Variants in RCOR1 observed in about 807,000 individuals in gnomAD.
RCOR1 encodes the protein REST corepressor 1, also known as REST corepressor.
In RCOR1, 12 loss-of-function variants were observed where a neutral mutation model predicts 64.0. The ratio of observed to expected loss-of-function variants is 0.19; its 90% confidence interval spans 0.12 to 0.30. The LOEUF (loss-of-function observed/expected upper bound fraction) is 0.30, where lower values mean the gene tolerates loss of function less well. RCOR1 is among the 10% of genes least tolerant of loss of function. The pLI is 1.00. For synonymous variants in RCOR1, 279 were observed against 227.2 expected, an observed-to-expected ratio of 1.23 and a Z score of -2.05; for missense variants, 502 against 621.2, an observed-to-expected ratio of 0.81 and a Z score of 2.04.
At chr14:102,668,468 G>GTTA (rs1894961368) in intron 2 of RCOR1, among the ~76,000 whole-genome samples, 1 of 152,122 alleles carries the variant, frequency 6.6e-6, no homozygotes, top group South Asian at 2.1e-4. Context: ...TATTTACTGG[G>GTTA]TAATACAATA....
chr14:102,614,166 A>T (rs1893697577), intron 2 of RCOR1, among the ~76,000 whole-genome samples: 1 of 149,900 alleles, frequency 6.7e-6, no homozygotes, highest in East Asian at 2.0e-4. Flanking sequence ...ACGTGCTGGG[A>T]TTATAGGCGT....
chr14:102,593,452 G>GA (rs1893176895), intron 2 of RCOR1, 127 bp downstream of exon 2: 1 of 1,007,242 alleles, frequency 9.9e-7, no homozygotes, highest in Non-Finnish European at 1.4e-6. Flanking sequence ...TCCGTGGGGA[G>GA]AACAGCAGGG....
Position 102,652,552 on chromosome 14 carries a change from G to A in RCOR1, c.362-29343G>A, listed in dbSNP as rs139222730. Among the ~76,000 whole-genome samples, 41 of 152,224 alleles carry A rather than the reference G, an allele frequency of 2.7e-4. No homozygotes were observed. In the East Asian group the frequency reaches 6.7e-3, roughly 25 times the overall value. On this transcript the variant is annotated intron_variant, in intron 2 of 11. Transcript: ENST00000262241. ...GCCTGTCTGCTTGTTCTTCTGAACA[G>A]TTCCCTTCAAATGTTACACCATCCA...
chr14:102,593,226 C>CCCGCG (rs1567400309), intron 1 of RCOR1, 39 bp downstream of exon 1: 1 of 1,481,972 alleles, frequency 6.7e-7, no homozygotes, highest in Non-Finnish European at 8.9e-7. Context: ...GGCCCCGCGC[C>CCCGCG]CCGCGCCGCG....
At chr14:102,676,187 G>T (rs987746621) in intron 2 of RCOR1, among the ~76,000 whole-genome samples, 2 of 150,130 alleles carry the variant, frequency 1.3e-5, no homozygotes, top group Non-Finnish European at 3.0e-5. Context: ...CCACAAAACC[G>T]CCATTGTCAT....
chr14:102,700,414 G>T (rs1015005782), intron 3 of RCOR1, among the ~76,000 whole-genome samples: 4 of 152,164 alleles, frequency 2.6e-5, no homozygotes, highest in Non-Finnish European at 4.4e-5. Context: ...TAGAGATGGG[G>T]TTTCGCCATG....
At chr14:102,644,621 A>AC (rs928004512) in intron 2 of RCOR1, among the ~76,000 whole-genome samples, 5 of 151,786 alleles carry the variant, frequency 3.3e-5, no homozygotes, top group African/African-American at 1.2e-4. Context: ...AGTTGTGGCC[A>AC]CCCAAAGCTC....
chr14:102,677,270 C>T (rs1358968972), intron 2 of RCOR1, among the ~76,000 whole-genome samples: 4 of 117,322 alleles, frequency 3.4e-5, no homozygotes, highest in Non-Finnish European at 7.2e-5. Context: ...TCCTCACTTC[C>T]CAGTCGGGGC....
intron 2 of RCOR1, among the ~76,000 whole-genome samples, chr14:102,654,618 G>C (rs1832196069): frequency 6.6e-6 from 1 of 151,930 alleles, no homozygotes; most frequent in African/African-American, 2.4e-5. Context: ...TGTAATACCA[G>C]CACTTTGAGA....
intron 2 of RCOR1, among the ~76,000 whole-genome samples, chr14:102,619,368 C>T (rs139127502): frequency 8.7e-4 from 133 of 152,158 alleles, no homozygotes; most frequent in African/African-American, 3.2e-3. Flanking sequence ...GATTCACCTC[C>T]CTCAGCCTCC....
At chr14:102,648,408 G>T (rs150849997) in intron 2 of RCOR1, among the ~76,000 whole-genome samples, 1 of 152,218 alleles carries the variant, frequency 6.6e-6, no homozygotes, top group African/African-American at 2.4e-5. Context: ...CTTGTTTATG[G>T]TATCTTAGAA....
intron 2 of RCOR1, among the ~76,000 whole-genome samples, chr14:102,629,238 G>T (rs1894051282): frequency 6.6e-6 from 1 of 152,100 alleles, no homozygotes; most frequent in Non-Finnish European, 1.5e-5. Context: ...TCTCATGAGG[G>T]TTTTCCTCAT....
intron 3 of RCOR1, among the ~76,000 whole-genome samples, chr14:102,698,022 T>C (rs1195354585): frequency 6.6e-6 from 1 of 152,154 alleles, no homozygotes; most frequent in Non-Finnish European, 1.5e-5. Flanking sequence ...CACCCGGCCA[T>C]CCAAGAAAAT....
intron 2 of RCOR1, among the ~76,000 whole-genome samples, chr14:102,643,572 C>A (rs559019538): frequency 6.6e-6 from 1 of 152,300 alleles, no homozygotes; most frequent in South Asian, 2.1e-4. Context: ...CAGGTATCTT[C>A]AGAGGCCCAG....
At chr14:102,619,459 C>T (rs556119546) in intron 2 of RCOR1, among the ~76,000 whole-genome samples, 3 of 146,316 alleles carry the variant, frequency 2.1e-5, no homozygotes, top group Non-Finnish European at 4.5e-5. Flanking sequence ...GTCTATCTAT[C>T]TATTCTATCT....
intron 4 of RCOR1, among the ~76,000 whole-genome samples, chr14:102,702,915 A>G (rs1023071484): frequency 2.8e-4 from 42 of 152,232 alleles, no homozygotes; most frequent in African/African-American, 1.0e-3. Flanking sequence ...CAGATCTACT[A>G]GGCAAAGATT....
At chr14:102,664,983 T>C (rs1235805567) in intron 2 of RCOR1, among the ~76,000 whole-genome samples, 2 of 152,152 alleles carry the variant, frequency 1.3e-5, no homozygotes, top group East Asian at 3.8e-4. Flanking sequence ...TGTGGTGTAA[T>C]ACCCTTACAT....
At chr14:102,639,295 C>CTT (rs1055105065) in intron 2 of RCOR1, among the ~76,000 whole-genome samples, 1 of 113,884 alleles carries the variant, frequency 8.8e-6, no homozygotes. Context: ...GACAAGATCT[C>CTT]TTTTTGTCAC....
At chr14:102,614,136 C>G (rs934485547) in intron 2 of RCOR1, among the ~76,000 whole-genome samples, 1 of 151,170 alleles carries the variant, frequency 6.6e-6, no homozygotes, top group African/African-American at 2.4e-5. Flanking sequence ...CTCAGGTGAT[C>G]TACCCTCCTT....
Sources: gnomAD v4.1 joint callset for allele counts (sites outside exome capture counted in the v4.1 genomes callset) on GRCh38, gnomAD v4.1.1 for gene constraint, MANE v1.5 for transcripts, NCBI Gene and HGNC (gene_info 2026-07-23, HGNC 2026-07-21) for gene names.